AGAP1: variants seen among roughly 807,000 people sequenced by gnomAD.
AGAP1 encodes arf-GAP with GTPase, ANK repeat and PH domain-containing protein 1.
In AGAP1, 29 loss-of-function variants were observed where a neutral mutation model predicts 105.3. That is an observed-to-expected ratio of 0.28 (90% CI 0.21 to 0.38). The LOEUF is 0.38. Ranked by LOEUF, AGAP1 falls within the 10% of genes least tolerant of loss-of-function variation. The pLI is 1.00. For missense variants in AGAP1, 998 were observed against 1,165.1 expected (o/e 0.86, Z 2.09); for synonymous variants, 509 against 485.9 (o/e 1.05, Z -0.63).
intron 9 of AGAP1, among the ~76,000 whole-genome samples, chr2:235,878,022 G>A (rs542640564): frequency 4.7e-4 from 72 of 152,342 alleles, no homozygotes; most frequent in African/African-American, 1.7e-3. Flanking sequence ...GCTGAGGGCA[G>A]CCCGCTGATT....
At chr2:235,925,398 G>A (rs748181176) in intron 11 of AGAP1, among the ~76,000 whole-genome samples, 6 of 152,206 alleles carry the variant, frequency 3.9e-5, no homozygotes, top group East Asian at 3.9e-4. Context: ...GTAGCAAAAC[G>A]GCTGTGTGTT....
chr2:235,590,694 T>TGCGC (rs1945302838), intron 1 of AGAP1, among the ~76,000 whole-genome samples: 1 of 105,270 alleles, frequency 9.5e-6, no homozygotes, highest in African/African-American at 3.5e-5. Flanking sequence ...TGCGTGTGCG[T>TGCGC]GTGTGTGTGT....
Position 235,719,998 on chromosome 2 carries a change from G to A in AGAP1, c.310+2354G>A, listed in dbSNP as rs1374039714. Among the ~76,000 whole-genome samples the A allele has an allele frequency of 6.6e-6, 1 of 151,998 alleles. No individual in the cohort carries two copies. Among genetic ancestry groups the A allele is most frequent in the African/African-American group, 2.4e-5 (1 of 41,368 alleles). ...AACCAAGCAGGTGGCCACTGTCTTT[G>A]CCCCTCTTAATGAGACCAGGGAATG... On this transcript the variant is annotated intron_variant, in intron 3 of 17. Coordinates refer to ENST00000304032, the MANE Select transcript of AGAP1 (RefSeq NM_001037131.3). The surrounding 1 kb of genome is among the most constrained non-coding windows in gnomAD (Gnocchi z 4.9).
chr2:235,738,132 C>G (rs529704700), intron 3 of AGAP1, among the ~76,000 whole-genome samples: 14 of 151,878 alleles, frequency 9.2e-5, no homozygotes, highest in African/African-American at 3.4e-4. Flanking sequence ...GGAGTGGGCA[C>G]GGGCAGGCAG....
intron 9 of AGAP1, chr2:235,853,236 A>G (rs2048554201): frequency 9.9e-7 from 1 of 1,009,240 alleles, no homozygotes; most frequent in Non-Finnish European, 1.2e-6. Context: ...TATAGACTGG[A>G]TGAGAGAAAA....
chr2:236,120,189 C>A lies in AGAP1; in HGVS notation c.2115-3C>A, dbSNP rs745849916. ...ACTGCACCTGTCTGGTGGCTCTTTG[C>A]AGGGAAGAGAAGGAACGGTGGATCC... is the stretch of plus-strand genomic sequence containing the variant. On this transcript the variant is annotated splice_polypyrimidine_tract_variant and splice_region_variant and intron_variant, in intron 16 of 17. Coordinates refer to ENST00000304032, the MANE Select transcript of AGAP1 (RefSeq NM_001037131.3). The surrounding 1 kb of genome is among the most constrained non-coding windows in gnomAD (Gnocchi z 6.0). 24 of 1,606,874 alleles carry A rather than the reference C, an allele frequency of 1.5e-5. No homozygotes were observed. Among genetic ancestry groups the A allele is most frequent in the East Asian group, 2.2e-5 (1 of 44,776 alleles).
At chr2:235,562,871 A>G (rs1944208118) in intron 1 of AGAP1, among the ~76,000 whole-genome samples, 2 of 152,110 alleles carry the variant, frequency 1.3e-5, no homozygotes, top group South Asian at 2.1e-4. Context: ...AGCCTGGACA[A>G]CATGGGGAGA....
intron 1 of AGAP1, among the ~76,000 whole-genome samples, chr2:235,572,780 A>G (rs1298312225): frequency 2.0e-5 from 3 of 152,164 alleles, no homozygotes; most frequent in Non-Finnish European, 4.4e-5. Flanking sequence ...CTTCAGCCCC[A>G]CAAAGGAGGA....
intron 16 of AGAP1, among the ~76,000 whole-genome samples, chr2:236,057,529 C>G (rs149778155): frequency 6.6e-6 from 1 of 152,196 alleles, no homozygotes; most frequent in Non-Finnish European, 1.5e-5. Context: ...TTGAGATCCA[C>G]CCACACAAGT....
rs879433824 is a variant in AGAP1, at chr2:235,612,049, C to G, written c.164-97130C>G. Among the ~76,000 whole-genome samples, 1 of 152,192 alleles carries G rather than the reference C, an allele frequency of 6.6e-6. No individual in the cohort carries two copies. The highest frequency in any genetic ancestry group is 1.5e-5 in the Non-Finnish European group (1 of 68,042). ...TATGTAAAATCATTCCTGTCCGCAG[C>G]CTAGAGTCTCACTGGAGAACAATCA... is the stretch of plus-strand genomic sequence containing the variant. On this transcript the variant is annotated intron_variant, in intron 1 of 17. Coordinates refer to ENST00000304032, the MANE Select transcript of AGAP1 (RefSeq NM_001037131.3). This position sits in a 1 kb window ranked among gnomAD's most constrained non-coding sequence, Gnocchi z 4.3.
intron 6 of AGAP1, chr2:235,776,834 C>G: frequency 2.2e-6 from 1 of 463,554 alleles, no homozygotes; most frequent in Non-Finnish European, 4.4e-6. Context: ...GCATCGGCAC[C>G]AACTCGGAGC....
chr2:236,122,829 C>T (rs2059932683), intron 17 of AGAP1, among the ~76,000 whole-genome samples: 2 of 151,774 alleles, frequency 1.3e-5, no homozygotes, highest in African/African-American at 2.4e-5. Flanking sequence ...GGATTACAAG[C>T]GTACACCACC....
In AGAP1 at chr2:235,596,109, A is replaced by G. The variant is rs1192165005; in HGVS notation, c.163+101260A>G. Reference sequence around the variant, plus strand: ...CTCCTAACAGTGATGCCGTCTTTCCATGGAAATCACCCATAAGCACAGCCT... The same window carrying G: ...CTCCTAACAGTGATGCCGTCTTTCCGTGGAAATCACCCATAAGCACAGCCT... On this transcript the variant is annotated intron_variant, in intron 1 of 17. Transcript: ENST00000304032. This position sits in a 1 kb window ranked among gnomAD's most constrained non-coding sequence, Gnocchi z 5.9. Among the ~76,000 whole-genome samples, 2 of 152,192 alleles carry G rather than the reference A, an allele frequency of 1.3e-5. No individual in the cohort carries two copies. Among genetic ancestry groups the G allele is most frequent in the African/African-American group, 4.8e-5 (2 of 41,450 alleles).
intron 1 of AGAP1, among the ~76,000 whole-genome samples, chr2:235,534,587 C>G (rs4663605): frequency 0.86 from 131,634 of 152,194 alleles, 57,372 homozygotes; most frequent in East Asian, 0.99. Context: ...ATCAGTGCTT[C>G]AAGCTTAGCG....
chr2:235,800,630 A>G (rs138766531), intron 8 of AGAP1, among the ~76,000 whole-genome samples: 1 of 152,216 alleles, frequency 6.6e-6, no homozygotes, highest in South Asian at 2.1e-4. Context: ...CACGCATTAC[A>G]AGTACATGCT....
At chr2:235,762,765 C>G (rs1217054527) in intron 6 of AGAP1, among the ~76,000 whole-genome samples, 1 of 152,064 alleles carries the variant, frequency 6.6e-6, no homozygotes, top group Non-Finnish European at 1.5e-5. Flanking sequence ...CCCAGCTGCT[C>G]AGGAGGCTAA....
chr2:235,670,950 C>CGCCACGGAGCGGAGCCTCGCG, intron 1 of AGAP1: 1 of 1,316,976 alleles, frequency 7.6e-7, no homozygotes, highest in Non-Finnish European at 9.6e-7. Context: ...GGCGGGCCCT[C>CGCCACGGAGCGGAGCCTCGCG]GCCACGGAGC....
chr2:235,575,867 C>T (rs1944715410), intron 1 of AGAP1, among the ~76,000 whole-genome samples: 1 of 152,088 alleles, frequency 6.6e-6, no homozygotes, highest in Admixed American at 6.6e-5. Flanking sequence ...AAGTCTGTCT[C>T]CATTGAATTG....
rs529154469 is a variant in AGAP1 at position 236,083,897 on chromosome 2, A to G, written c.2114+34616A>G. Among the ~76,000 whole-genome samples the G allele has an allele frequency of 5.9e-5, 9 of 152,324 alleles. No individual in the cohort carries two copies. The highest frequency in any genetic ancestry group is 2.2e-4 in the African/African-American group (9 of 41,572). On this transcript the variant is annotated intron_variant, in intron 16 of 17. Coordinates refer to ENST00000304032, the MANE Select transcript of AGAP1 (RefSeq NM_001037131.3). The surrounding 1 kb of genome is among the most constrained non-coding windows in gnomAD (Gnocchi z 5.3). Reference sequence around the variant, plus strand: ...GGCATGTGCGTGTGTATGCACACACACGTGCACACATACACACACAGGCAC... The same window carrying G: ...GGCATGTGCGTGTGTATGCACACACGCGTGCACACATACACACACAGGCAC...
Sources: allele counts gnomAD v4.1 joint callset (sites outside exome capture counted in the v4.1 genomes callset), GRCh38; gene constraint gnomAD v4.1.1; non-coding constraint Gnocchi (gnomAD v3.1); transcripts MANE v1.5; gene names NCBI Gene and HGNC (gene_info 2026-07-23, HGNC 2026-07-21).